The following TLE3 variants were observed in gnomAD, a reference collection of about 807,000 sequenced individuals.
TLE3 encodes the protein TLE family member 3, transcriptional corepressor, also known as transducin-like enhancer protein 3.
TLE3 carries 14 observed loss-of-function variants against 93.0 expected under a neutral mutation model. The observed-to-expected ratio is 0.15, with a 90% confidence interval of 0.10 to 0.24. The LOEUF (loss-of-function observed/expected upper bound fraction) is 0.24, where lower values mean the gene tolerates loss of function less well. Ranked by LOEUF, TLE3 falls within the 10% of genes least tolerant of loss-of-function variation. TLE3 has a pLI of 1.00. For synonymous variants in TLE3, 451 were observed against 425.0 expected (o/e 1.06, Z -0.75); for missense variants, 693 against 1,046.6 (o/e 0.66, Z 4.66).
At chr15:70,095,418 G>A (rs1314782088) in intron 3 of TLE3, 160 bp downstream of exon 3, 3 of 1,493,608 alleles carry the variant, frequency 2.0e-6, no homozygotes, top group Non-Finnish European at 2.7e-6. Context: ...GGCAATGGAA[G>A]CTGGGGAAGG....
Position 70,053,378 on chromosome 15 carries a change from C to A in TLE3, c.1827-4G>T. The A allele has an allele frequency of 6.3e-7, 1 of 1,596,772 alleles. No homozygotes were observed. The highest frequency in any genetic ancestry group is 8.6e-7 in the Non-Finnish European group (1 of 1,168,128). On this transcript the variant is annotated splice_polypyrimidine_tract_variant and splice_region_variant and intron_variant, in intron 16 of 19. Transcript: ENST00000451782. ...ATCTGTGTGGCCCTGGAACTGCCTA[C>A]GAAAGCCAAGCAGGGAGGAGGGTGA...
chr15:70,054,137 T>C (rs1267517561), intron 16 of TLE3: 3 of 305,290 alleles, frequency 9.8e-6, no homozygotes, highest in South Asian at 6.4e-5. Flanking sequence ...ATCTGGTCTC[T>C]GGGGCTCTGC....
At chr15:70,071,486 C>T (rs1267561253) in intron 6 of TLE3, among the ~76,000 whole-genome samples, 1 of 152,124 alleles carries the variant, frequency 6.6e-6, no homozygotes, top group Non-Finnish European at 1.5e-5. Context: ...CCCAGGAATA[C>T]TCTAATCCTC....
chr15:70,057,811 C>G (rs1386739363), intron 12 of TLE3, 153 bp from the exon 13 acceptor site: 1 of 964,788 alleles, frequency 1.0e-6, no homozygotes, highest in African/African-American at 1.6e-5. Flanking sequence ...TCCCTGCCTT[C>G]AGAGCCAAAG....
At chr15:70,053,781 G>A in intron 16 of TLE3, 1 of 167,374 alleles carries the variant, frequency 6.0e-6, no homozygotes, top group East Asian at 1.7e-4. Context: ...ACTGCCTTTA[G>A]GACACAGCTC....
chr15:70,058,080 T>C lies in TLE3; in HGVS notation c.1051+79A>G. ...GCCTGTGCTCTATCCCATGCGTGTG[T>C]GTCACCCCTGCCCTGGCCAAGAGCA... On this transcript the variant is annotated intron_variant, in intron 12 of 19. Transcript: ENST00000451782. This position sits in a 1 kb window ranked among gnomAD's most constrained non-coding sequence, Gnocchi z 4.1. 1.2e-6 allele frequency: 2 copies of C among 1,600,706 alleles called. No homozygotes were observed. Among genetic ancestry groups the C allele is most frequent in the Non-Finnish European group, 1.7e-6 (2 of 1,172,636 alleles).
intron 13 of TLE3, among the ~76,000 whole-genome samples, chr15:70,056,850 C>T (rs914896694): frequency 4.6e-5 from 7 of 152,210 alleles, no homozygotes; most frequent in African/African-American, 1.7e-4. Context: ...CAACCTCTGC[C>T]TCCCAGGTTC....
chr15:70,094,161 AAAATCCTCCT>A (rs2058439351), intron 4 of TLE3, among the ~76,000 whole-genome samples: 1 of 152,154 alleles, frequency 6.6e-6, no homozygotes. Flanking sequence ...AAAGAAAAAA[AAAATCCTCCT>A]GCATTTCCTC....
chr15:70,089,071 C>T (rs1162728046), intron 4 of TLE3, among the ~76,000 whole-genome samples: 1 of 152,212 alleles, frequency 6.6e-6, no homozygotes, highest in Non-Finnish European at 1.5e-5. Context: ...CACATCATTC[C>T]GAAGACGTGT....
At chr15:70,055,470 G>T in intron 14 of TLE3, 172 bp from the exon 15 acceptor site, 1 of 802,766 alleles carries the variant, frequency 1.2e-6, no homozygotes, top group Non-Finnish European at 1.7e-6. Flanking sequence ...GCTCCATCGA[G>T]GTAGACATGA....
At chr15:70,081,700 T>A (rs1272075680) in intron 4 of TLE3, among the ~76,000 whole-genome samples, 1 of 152,216 alleles carries the variant, frequency 6.6e-6, no homozygotes, top group African/African-American at 2.4e-5. Flanking sequence ...ATTTGTGAAA[T>A]GAGGATTTCT....
At chr15:70,053,469 T>G in intron 16 of TLE3, 95 bp from the exon 17 acceptor site, 4 of 1,431,840 alleles carry the variant, frequency 2.8e-6, no homozygotes, top group Non-Finnish European at 3.8e-6. Flanking sequence ...AAGAGAAAAC[T>G]GAGGCCCAGA....
At chr15:70,073,042 A>G (rs1200725229) in intron 6 of TLE3, among the ~76,000 whole-genome samples, 1 of 152,208 alleles carries the variant, frequency 6.6e-6, no homozygotes, top group Non-Finnish European at 1.5e-5. Context: ...CACCTGCCCA[A>G]GCAGCACTGA....
chr15:70,090,703 TTA>T (rs1394840471), intron 4 of TLE3, among the ~76,000 whole-genome samples: 3 of 152,168 alleles, frequency 2.0e-5, no homozygotes, highest in African/African-American at 4.8e-5. Context: ...AGTTCACAGG[TTA>T]TATATACCAC....
intron 4 of TLE3, among the ~76,000 whole-genome samples, chr15:70,085,785 G>A (rs2058012753): frequency 6.6e-6 from 1 of 152,232 alleles, no homozygotes. Flanking sequence ...GCTTCATGGA[G>A]ATCCCCCATT....
At chr15:70,062,663 C>T (rs1178179290) in intron 8 of TLE3, among the ~76,000 whole-genome samples, 1 of 152,168 alleles carries the variant, frequency 6.6e-6, no homozygotes, top group Non-Finnish European at 1.5e-5. Flanking sequence ...CCAGCCCGTC[C>T]CCCCATCCCC....
intron 1 of TLE3, 42 bp from the exon 2 acceptor site, chr15:70,096,303 T>C (rs1314650455): frequency 1.3e-6 from 2 of 1,548,410 alleles, no homozygotes; most frequent in African/African-American, 1.4e-5. Context: ...GGCGGGGGCA[T>C]GAGACCGCGC....
intron 6 of TLE3, among the ~76,000 whole-genome samples, chr15:70,068,081 CT>C (rs1326579042): frequency 1.3e-4 from 20 of 152,224 alleles, no homozygotes; most frequent in African/African-American, 4.6e-4. Context: ...AGCTCCTCCA[CT>C]TTTTCTTTTT....
At chr15:70,072,593 C>T (rs2057240783) in intron 6 of TLE3, among the ~76,000 whole-genome samples, 1 of 152,216 alleles carries the variant, frequency 6.6e-6, no homozygotes, top group Admixed American at 6.5e-5. Context: ...GGGGAAGAGC[C>T]CTGGGCTGCG....
Sources: allele counts gnomAD v4.1 joint callset (sites outside exome capture counted in the v4.1 genomes callset), GRCh38; gene constraint gnomAD v4.1.1; non-coding constraint Gnocchi (gnomAD v3.1); transcripts MANE v1.5; gene names NCBI Gene and HGNC (gene_info 2026-07-23, HGNC 2026-07-21).